Variants in HMGCLL1 observed in about 807,000 individuals in gnomAD.
HMGCLL1 encodes the protein 3-hydroxy-3-methylglutaryl-CoA lyase like 1, also known as 3-hydroxymethyl-3-methylglutaryl-CoA lyase, cytoplasmic.
A neutral mutation model predicts 39.1 loss-of-function variants in HMGCLL1; 36 were observed. The observed-to-expected ratio is 0.92, with a 90% CI of 0.71 to 1.22. The LOEUF is 1.22. Among genes scored for constraint, HMGCLL1 ranks in the 50% most tolerant of loss-of-function variants. The pLI is 0.00. For missense variants in HMGCLL1, 451 were observed against 416.5 expected (o/e 1.08, Z -0.72); for synonymous variants, 149 against 144.0 (o/e 1.03, Z -0.25).
chr6:55,637,420 T>A, the HMGCLL1 span, among the ~76,000 whole-genome samples: 3 of 146,968 alleles, frequency 2.0e-5, no homozygotes, highest in Non-Finnish European at 4.5e-5. Flanking sequence ...TAGACTAGAA[T>A]CTCATGTTCA....
chr6:55,676,934 A>ATTTATTAC, the HMGCLL1 span, among the ~76,000 whole-genome samples: 1 of 152,196 alleles, frequency 6.6e-6, no homozygotes, highest in Non-Finnish European at 1.5e-5. Flanking sequence ...CTTGGGGCCT[A>ATTTATTAC]TTTATTACTT....
At chr6:55,573,953 T>C (rs558614992) in intron 1 of HMGCLL1, among the ~76,000 whole-genome samples, 1 of 152,088 alleles carries the variant, frequency 6.6e-6, no homozygotes, top group African/African-American at 2.4e-5. Context: ...TAAATTATCA[T>C]CAAAGGACCA....
At chr6:55,475,912 T>A (rs189304395) in intron 7 of HMGCLL1, among the ~76,000 whole-genome samples, 1 of 151,726 alleles carries the variant, frequency 6.6e-6, no homozygotes, top group Non-Finnish European at 1.5e-5. Flanking sequence ...TATGTCTGAA[T>A]TTCTTTCTCA....
At chr6:55,616,609 C>T in the HMGCLL1 span, among the ~76,000 whole-genome samples, 45 of 152,184 alleles carry the variant, frequency 3.0e-4, no homozygotes, top group East Asian at 8.5e-3. Context: ...ACTGTAATGC[C>T]TACCATGTAA....
the HMGCLL1 span, among the ~76,000 whole-genome samples, chr6:55,647,261 T>TA: frequency 1.3e-5 from 2 of 151,978 alleles, no homozygotes; most frequent in African/African-American, 4.8e-5. Flanking sequence ...TGTCTTTTTT[T>TA]ATCCCTATTT....
chr6:55,614,846 AC>A, the HMGCLL1 span, among the ~76,000 whole-genome samples: 1 of 152,124 alleles, frequency 6.6e-6, no homozygotes, highest in Non-Finnish European at 1.5e-5. Context: ...ACATATGGTC[AC>A]TTTTTCTATT....
At chr6:55,659,671 T>C in the HMGCLL1 span, among the ~76,000 whole-genome samples, 5 of 152,050 alleles carry the variant, frequency 3.3e-5, no homozygotes, top group South Asian at 1.0e-3. Context: ...AAAATTCTCA[T>C]GTTTTTTGAT....
At chr6:55,549,885 C>T (rs1008200997) in intron 1 of HMGCLL1, among the ~76,000 whole-genome samples, 3 of 151,918 alleles carry the variant, frequency 2.0e-5, no homozygotes, top group African/African-American at 7.3e-5. Context: ...TAAGACTACT[C>T]AGTCATCCAC....
chr6:55,438,123 G>A (rs1346460136), intron 8 of HMGCLL1, among the ~76,000 whole-genome samples: 1 of 151,980 alleles, frequency 6.6e-6, no homozygotes, highest in Non-Finnish European at 1.5e-5. Flanking sequence ...TATGGAGTTC[G>A]ATTCAGTCAT....
chr6:55,541,868 T>TTG, intron 2 of HMGCLL1, 32 bp from the exon 3 acceptor site: 1 of 1,252,906 alleles, frequency 8.0e-7, no homozygotes. Context: ...TATAAGTAAA[T>TTG]TGTATAGGTC....
intron 7 of HMGCLL1, among the ~76,000 whole-genome samples, chr6:55,445,074 A>G (rs192539365): frequency 6.6e-6 from 1 of 152,166 alleles, no homozygotes; most frequent in Admixed American, 6.6e-5. Flanking sequence ...GAGTTTATTC[A>G]AGGATATATG....
At chr6:55,667,908 T>A in the HMGCLL1 span, among the ~76,000 whole-genome samples, 4 of 151,286 alleles carry the variant, frequency 2.6e-5, no homozygotes, top group Non-Finnish European at 4.4e-5. Context: ...CTTTTTTTTT[T>A]ATTTTTTGAT....
the HMGCLL1 span, among the ~76,000 whole-genome samples, chr6:55,612,393 A>G: frequency 6.6e-6 from 1 of 152,230 alleles, no homozygotes; most frequent in Non-Finnish European, 1.5e-5. Flanking sequence ...TATAGATTCA[A>G]TGCTATTTCT....
At position 55,565,907 on chromosome 6, in the gene HMGCLL1, T is replaced by C. The variant is rs551189300; in HGVS notation, c.108+13041A>G. 2.0e-5 allele frequency among the ~76,000 whole-genome samples: 3 copies of C among 150,260 alleles called. No individual in the cohort carries two copies. The South Asian group carries it at 6.3e-4, about 31-fold the overall frequency. ...AAACCTAGGCAAGCAGAGTTCTAAATTACTCTCAGCTTTAACATTTGACCA... is the reference window on the plus strand; with the variant it reads ...AAACCTAGGCAAGCAGAGTTCTAAACTACTCTCAGCTTTAACATTTGACCA... On this transcript the variant is annotated intron_variant, in intron 1 of 8. Coordinates refer to ENST00000274901, the MANE Select transcript of HMGCLL1 (RefSeq NM_001042406.2).
At chr6:55,551,183 A>C (rs1770310100) in intron 1 of HMGCLL1, among the ~76,000 whole-genome samples, 1 of 151,898 alleles carries the variant, frequency 6.6e-6, no homozygotes, top group Admixed American at 6.6e-5. Context: ...CATTTGAGTA[A>C]ATTTACACTG....
At chr6:55,562,163 A>G (rs1053103911) in intron 1 of HMGCLL1, among the ~76,000 whole-genome samples, 1 of 152,166 alleles carries the variant, frequency 6.6e-6, no homozygotes, top group African/African-American at 2.4e-5. Flanking sequence ...AAAAGGATCA[A>G]AGTTTTAAAG....
chr6:55,538,634 C>T (rs909586177), intron 3 of HMGCLL1, among the ~76,000 whole-genome samples: 10 of 152,028 alleles, frequency 6.6e-5, no homozygotes, highest in African/African-American at 1.7e-4. Flanking sequence ...AGTCAATTGC[C>T]GATGCCAGAG....
chr6:55,485,742 A>C (rs180969369), intron 7 of HMGCLL1, among the ~76,000 whole-genome samples: 268 of 152,148 alleles, frequency 1.8e-3, no homozygotes, highest in Middle Eastern at 0.014. Context: ...TTAAAATGGC[A>C]TATCAAATGC....
the HMGCLL1 span, among the ~76,000 whole-genome samples, chr6:55,629,753 A>G: frequency 2.0e-5 from 3 of 152,222 alleles, no homozygotes; most frequent in South Asian, 2.1e-4. Context: ...AGGGACCAAC[A>G]TAGAGCTCAG....
Sources: gnomAD v4.1 joint callset for allele counts (sites outside exome capture counted in the v4.1 genomes callset) on GRCh38, gnomAD v4.1.1 for gene constraint, MANE v1.5 for transcripts, NCBI Gene and HGNC (gene_info 2026-07-23, HGNC 2026-07-21) for gene names.